ZKSCAN7: variants seen among roughly 807,000 people sequenced by gnomAD.
ZKSCAN7 encodes zinc finger protein with KRAB and SCAN domains 7.
ZKSCAN7 carries 38 observed loss-of-function variants against 65.3 expected under a neutral mutation model. The observed-to-expected ratio is 0.58, with a 90% confidence interval of 0.45 to 0.76. The LOEUF is 0.76. Ranked by LOEUF, ZKSCAN7 falls within the 30% of genes least tolerant of loss-of-function variation. The pLI, the probability that ZKSCAN7 is intolerant of heterozygous loss-of-function variation, is 0.00. For synonymous variants in ZKSCAN7, 321 were observed against 321.0 expected (o/e 1.00, Z 0.00); for missense variants, 815 against 913.3 (o/e 0.89, Z 1.39).
downstream of ZKSCAN7, among the ~76,000 whole-genome samples, chr3:44,577,109 G>T (rs148313140): frequency 7.9e-5 from 12 of 151,914 alleles, no homozygotes; most frequent in African/African-American, 2.9e-4. Flanking sequence ...GACTACAGGC[G>T]CATGTTACCA....
In ZKSCAN7 at chr3:44,570,832, T is replaced by G. The variant is rs1213667993; in HGVS notation, c.1722T>G (p.Thr574=). The G allele has an allele frequency of 6.2e-7, 1 of 1,614,070 alleles. No homozygotes were observed. Among genetic ancestry groups the G allele is most frequent in the African/African-American group, 1.3e-5 (1 of 74,922 alleles). The change falls in exon 6 of 6, where the codon ACT becomes ACG. Residue 574 remains threonine, a synonymous_variant. Coordinates refer to ENST00000426540, the MANE Select transcript of ZKSCAN7 (RefSeq NM_001288590.2). ...KCLIRHQSLH[T]GEKPYKCSEC... is the part of the protein sequence containing the mutation. Reference sequence around the variant, plus strand: ...TTATTCGACATCAGAGCCTCCATACTGGGGAAAAGCCATACAAATGTAGTG... The same window carrying G: ...TTATTCGACATCAGAGCCTCCATACGGGGGAAAAGCCATACAAATGTAGTG...
At chr3:44,564,013 G>A (rs1005801871) in intron 2 of ZKSCAN7, among the ~76,000 whole-genome samples, 1 of 152,216 alleles carries the variant, frequency 6.6e-6, no homozygotes, top group African/African-American at 2.4e-5. Context: ...TAACATCTCA[G>A]CAGATGCAGC....
At chr3:44,572,573 G>A, downstream of ZKSCAN7, among the ~76,000 whole-genome samples, 1 of 152,040 alleles carries the variant, frequency 6.6e-6, no homozygotes, top group Non-Finnish European at 1.5e-5. Flanking sequence ...GTGTCAGCTG[G>A]GCGCAGTGGC....
chr3:44,576,844 T>G (rs1191156402), downstream of ZKSCAN7, among the ~76,000 whole-genome samples: 1 of 152,240 alleles, frequency 6.6e-6, no homozygotes, highest in Non-Finnish European at 1.5e-5. Context: ...GCCTCCAGGC[T>G]AGTTATCCAG....
At chr3:44,560,071 A>G (rs1699421479) in intron 2 of ZKSCAN7, among the ~76,000 whole-genome samples, 1 of 152,218 alleles carries the variant, frequency 6.6e-6, no homozygotes, top group African/African-American at 2.4e-5. Context: ...TCCAGCTAGC[A>G]GCCTCAGAAA....
chr3:44,578,252 T>A (rs1482450890), intron 5 of ZKSCAN7: 36 of 1,561,198 alleles, frequency 2.3e-5, no homozygotes, highest in Non-Finnish European at 2.8e-5. Flanking sequence ...CAGTGCTGTC[T>A]GCAGCTCATC....
rs996823890 is a variant in ZKSCAN7 at position 44,561,225 on chromosome 3, A to G, written c.423+3755A>G. Reference sequence around the variant, plus strand: ...CTCAGGAAACCTACAATCATGGCAGAAGGCAAAGAGGAAGGAAGGACCTTC... The same window carrying G: ...CTCAGGAAACCTACAATCATGGCAGGAGGCAAAGAGGAAGGAAGGACCTTC... On this transcript the variant is annotated intron_variant, in intron 2 of 5. Coordinates refer to ENST00000426540, the MANE Select transcript of ZKSCAN7 (RefSeq NM_001288590.2). 2.0e-5 allele frequency among the ~76,000 whole-genome samples: 3 copies of G among 152,182 alleles called. No individual in the cohort carries two copies. The South Asian group carries it at 6.2e-4, about 32-fold the overall frequency.
chr3:44,563,523 G>A (rs906819273), intron 2 of ZKSCAN7, among the ~76,000 whole-genome samples: 6 of 152,192 alleles, frequency 3.9e-5, no homozygotes, highest in African/African-American at 1.4e-4. Context: ...TGAAGAGGAA[G>A]CAAGGATCCT....
intron 5 of ZKSCAN7, chr3:44,578,106 G>A (rs1699962742): frequency 6.4e-7 from 1 of 1,560,596 alleles, no homozygotes; most frequent in South Asian, 1.1e-5. Context: ...ACTGTCAGGG[G>A]ACTTTTCCCC....
chr3:44,556,833 T>C, intron 1 of ZKSCAN7, 97 bp from the exon 2 acceptor site: 1 of 654,888 alleles, frequency 1.5e-6, no homozygotes, highest in Non-Finnish European at 2.6e-6. Context: ...GGTTGTGTTC[T>C]TTTTTCCTGG....
Position 44,571,448 on chromosome 3 carries a change from G to T in ZKSCAN7, c.*73G>T, listed in dbSNP as rs767747870. ...CTTTATAAGCAGGATGCTCATAGTG[G>T]TTTCCCGGAGCCAGTAGTCACGGTG... On this transcript the variant is annotated 3_prime_UTR_variant, in exon 6 of 6. Coordinates refer to ENST00000426540, the MANE Select transcript of ZKSCAN7 (RefSeq NM_001288590.2). 9.7e-5 allele frequency: 155 copies of T among 1,601,646 alleles called. No homozygotes were observed. The highest frequency in any genetic ancestry group is 1.3e-4 in the Non-Finnish European group (150 of 1,179,746).
intron 2 of ZKSCAN7, among the ~76,000 whole-genome samples, chr3:44,561,246 CCTT>C (rs1699467034): frequency 6.6e-6 from 1 of 151,246 alleles, no homozygotes; most frequent in Non-Finnish European, 1.5e-5. Context: ...GAAGGAAGGA[CCTT>C]CTTCACATTG....
intron 1 of ZKSCAN7, among the ~76,000 whole-genome samples, chr3:44,556,344 A>G (rs1019943275): frequency 2.0e-5 from 3 of 152,208 alleles, no homozygotes; most frequent in Admixed American, 2.0e-4. Flanking sequence ...CATGGTCTTG[A>G]CAGACAAGTT....
chr3:44,560,996 T>C lies in ZKSCAN7; in HGVS notation c.423+3526T>C, dbSNP rs547547556. Among the ~76,000 whole-genome samples, 12 of 152,346 alleles carry C rather than the reference T, an allele frequency of 7.9e-5. 1 individual carries two copies. Among genetic ancestry groups the C allele is most frequent in the African/African-American group, 2.9e-4 (12 of 41,586 alleles). On this transcript the variant is annotated intron_variant, in intron 2 of 5. Coordinates refer to ENST00000426540, the MANE Select transcript of ZKSCAN7 (RefSeq NM_001288590.2). ...ACCAGGATTTTCCATCTCCCTAGTT[T>C]CTAAGCCAACAGCTTTTCTCTAGGG...
chr3:44,569,932 C>T lies in ZKSCAN7; in HGVS notation c.822C>T (p.Asn274=), dbSNP rs913709528. ...TCTTTCTTTGGGCAGCAGGTGAGAACATGATGAAGGGTTCAGAGTTGACTC... is the reference window on the plus strand; with the variant it reads ...TCTTTCTTTGGGCAGCAGGTGAGAATATGATGAAGGGTTCAGAGTTGACTC... ...HHSMASLAGE[N]MMKGSELTPK... The change falls in exon 6 of 6, where the codon AAC becomes AAT. Residue 274 remains asparagine (N), a synonymous_variant. Transcript: ENST00000426540. 3 of 1,532,758 alleles carry T rather than the reference C, an allele frequency of 2.0e-6. No individual in the cohort carries two copies. Among genetic ancestry groups the T allele is most frequent in the Non-Finnish European group, 2.6e-6 (3 of 1,144,100 alleles). 94.9% of individuals were successfully genotyped at this position (1,532,758 alleles called of 1,614,324 possible). A position where few individuals can be genotyped will look rare whatever the true frequency, so the allele number is the denominator to read the frequency against.
At chr3:44,556,887 G>T in intron 1 of ZKSCAN7, 43 bp from the exon 2 acceptor site, 6 of 957,130 alleles carry the variant, frequency 6.3e-6, no homozygotes, top group Non-Finnish European at 8.1e-6. Flanking sequence ...TCAGCCTGGG[G>T]CTGAATACTC....
At chr3:44,572,298 C>T (rs1228350694), downstream of ZKSCAN7, 1 of 922,956 alleles carries the variant, frequency 1.1e-6, no homozygotes, top group East Asian at 1.2e-4. Context: ...TACATATACT[C>T]CTGGAAGTCT....
intron 5 of ZKSCAN7, among the ~76,000 whole-genome samples, chr3:44,579,534 T>C (rs1700013658): frequency 6.6e-6 from 1 of 152,170 alleles, no homozygotes; most frequent in Non-Finnish European, 1.5e-5. Context: ...GAGCAGCTGC[T>C]CTTGTTTTTT....
intron 2 of ZKSCAN7, among the ~76,000 whole-genome samples, chr3:44,564,677 G>C (rs1699578390): frequency 6.6e-6 from 1 of 152,198 alleles, no homozygotes; most frequent in Admixed American, 6.5e-5. Context: ...GCCAGCCACT[G>C]TTCTGGGTAT....
Sources: gnomAD v4.1 joint callset for allele counts (sites outside exome capture counted in the v4.1 genomes callset) on GRCh38, gnomAD v4.1.1 for gene constraint, MANE v1.5 for transcripts, NCBI Gene and HGNC (gene_info 2026-07-23, HGNC 2026-07-21) for gene names.